Variants in FGFR1 observed in about 807,000 individuals in gnomAD.
The protein encoded by FGFR1 is fibroblast growth factor receptor 1.
A neutral mutation model predicts 93.7 loss-of-function variants in FGFR1; 18 were observed. That is an observed-to-expected ratio of 0.19 (90% CI 0.13 to 0.28). The LOEUF is 0.28. Among genes scored for constraint, FGFR1 ranks in the 10% least tolerant of loss-of-function variants. The pLI is 1.00. For missense variants in FGFR1, 731 were observed against 1,080.4 expected, an observed-to-expected ratio of 0.68 and a Z score of 4.53; for synonymous variants, 448 against 429.3, an observed-to-expected ratio of 1.04 and a Z score of -0.54.
At chr8:38,449,108 A>G (rs1252874577) in intron 2 of FGFR1, among the ~76,000 whole-genome samples, 3 of 151,436 alleles carry the variant, frequency 2.0e-5, no homozygotes, top group Non-Finnish European at 2.9e-5. Flanking sequence ...TCTCAGGAGA[A>G]AAAAAAAACA....
chr8:38,442,897 C>T (rs971209125), intron 2 of FGFR1, among the ~76,000 whole-genome samples: 1 of 152,234 alleles, frequency 6.6e-6, no homozygotes, highest in Non-Finnish European at 1.5e-5. Flanking sequence ...GCCATATCCC[C>T]GCAATCCCGT....
At chr8:38,425,095 C>T (rs771543109) in intron 6 of FGFR1, among the ~76,000 whole-genome samples, 10 of 152,070 alleles carry the variant, frequency 6.6e-5, no homozygotes, top group South Asian at 2.1e-4. Context: ...GTTAGAAACG[C>T]GGAATCTCAG....
rs192739968 is a variant in FGFR1 at position 38,421,462 on chromosome 8, G to C, written c.1081+335C>G. Reference sequence around the variant, plus strand: ...TCAGATGCTCAGTACCCAGCGGAGGGGGGAGGCTGCTGGACCCAAGGACGG... The same window carrying C: ...TCAGATGCTCAGTACCCAGCGGAGGCGGGAGGCTGCTGGACCCAAGGACGG... On this transcript the variant is annotated intron_variant, in intron 8 of 17. Transcript: ENST00000447712. Among the ~76,000 whole-genome samples the C allele has an allele frequency of 5.3e-5, 8 of 152,338 alleles. No homozygotes were observed. The East Asian group carries it at 1.4e-3, about 26-fold the overall frequency.
chr8:38,466,508 C>T (rs553373561), intron 1 of FGFR1: 89 of 231,260 alleles, frequency 3.8e-4, no homozygotes, highest in African/African-American at 1.7e-3. Flanking sequence ...CTTTACTGCG[C>T]AATCCAGAAA....
rs1254761802 is a variant in FGFR1, at chr8:38,424,369, C to T, written c.936+140G>A. On this transcript the variant is annotated intron_variant, in intron 7 of 17. Transcript: ENST00000447712. This position sits in a 1 kb window ranked among gnomAD's most constrained non-coding sequence, Gnocchi z 4.3. Reference sequence around the variant, plus strand: ...CCTGGGGGATGTGGCTAGATCCCTACTGAGATGGAGTGTGTGTGCCTGAAG... The same window carrying T: ...CCTGGGGGATGTGGCTAGATCCCTATTGAGATGGAGTGTGTGTGCCTGAAG... 1.1e-6 allele frequency: 1 copy of T among 903,018 alleles called. No homozygotes were observed. The highest frequency in any genetic ancestry group is 1.8e-6 in the Non-Finnish European group (1 of 551,632). The allele number at this position is 903,018 out of a possible 1,614,324, so 55.9% of individuals were successfully genotyped here.
Position 38,454,820 on chromosome 8 carries a change from A to G in FGFR1, c.91+2536T>C, listed in dbSNP as rs139503793. On this transcript the variant is annotated intron_variant, in intron 2 of 17. Transcript: ENST00000447712. ...TAATGCAGCTATCAAGTGGCAGAGC[A>G]GGATGCAAACACAGGTGCACCTCAC... is the stretch of plus-strand genomic sequence containing the variant. Among the ~76,000 whole-genome samples, 310 of 152,310 alleles carry G rather than the reference A, an allele frequency of 2.0e-3. 1 individual carries two copies. Among genetic ancestry groups the G allele is most frequent in the African/African-American group, 7.0e-3 (293 of 41,574 alleles).
At chr8:38,461,011 T>A in intron 1 of FGFR1, 1 of 1,497,520 alleles carries the variant, frequency 6.7e-7, no homozygotes, top group East Asian at 2.5e-5. Context: ...CTGGGATTCA[T>A]GCCTGCATGC....
intron 1 of FGFR1, chr8:38,467,605 C>A: frequency 4.2e-6 from 1 of 235,872 alleles, no homozygotes; most frequent in South Asian, 1.8e-4. Context: ...CTCCCGCCCT[C>A]CTCCCCAGTC....
In FGFR1 at chr8:38,426,478, A is replaced by G. The variant is rs1040610007; in HGVS notation, c.622-233T>C. ...CCAGAAGTCTCCACTGTGACGTTCA[A>G]GATCATTCGTGATCCGGACAGATGT... On this transcript the variant is annotated intron_variant, in intron 5 of 17. Transcript: ENST00000447712. The surrounding 1 kb of genome is among the most constrained non-coding windows in gnomAD (Gnocchi z 4.1). Among the ~76,000 whole-genome samples the G allele has an allele frequency of 1.1e-4, 17 of 152,232 alleles. No homozygotes were observed. Among genetic ancestry groups the G allele is most frequent in the African/African-American group, 3.9e-4 (16 of 41,466 alleles).
rs758677681 is a variant in FGFR1, at chr8:38,413,632, C to T, written c.2465G>A (p.Arg822His). The T allele has an allele frequency of 3.0e-5, 48 of 1,607,782 alleles. No individual in the cohort carries two copies. The highest frequency in any genetic ancestry group is 2.2e-4 in the South Asian group (20 of 90,020). ...AQLANGGLKR[R>H] ...GGGAGGGCGTGTGGGTGGCAGTCAG[C>T]GGCGTTTGAGTCCGCCATTGGCAAG... The change falls in exon 18 of 18, where the codon CGC becomes CAC. Residue 822 changes from arginine (R) to histidine (H), a missense_variant. This residue lies in a region of FGFR1 where 79 missense variants were observed against 97.2 expected (regional missense o/e 0.81). Coordinates refer to ENST00000447712, the MANE Select transcript of FGFR1 (RefSeq NM_023110.3). This position sits in a 1 kb window ranked among gnomAD's most constrained non-coding sequence, Gnocchi z 4.2.
At chr8:38,422,696 C>A (rs1819263177) in intron 7 of FGFR1, 1 of 341,100 alleles carries the variant, frequency 2.9e-6, no homozygotes, top group African/African-American at 2.1e-5. Context: ...GCCACTGTGC[C>A]TGGCCTATGG....
rs1820648214 is a variant in FGFR1 at position 38,426,055 on chromosome 8, C to T, written c.745+67G>A. On this transcript the variant is annotated intron_variant, in intron 6 of 17. Coordinates refer to ENST00000447712, the MANE Select transcript of FGFR1 (RefSeq NM_023110.3). The surrounding 1 kb of genome is among the most constrained non-coding windows in gnomAD (Gnocchi z 4.1). ...CTGCCCCTAAGAAACCTGGACACCC[C>T]GGCTGTGTTCTCCAAGCCTGGCTCT... 8.1e-6 allele frequency: 13 copies of T among 1,610,184 alleles called. No homozygotes were observed. The highest frequency in any genetic ancestry group is 5.0e-5 in the Admixed American group (3 of 60,000).
In FGFR1 at chr8:38,428,489, C is replaced by T. The variant is rs189939746; in HGVS notation, c.359-54G>A. 1.5e-3 allele frequency: 2,120 copies of T among 1,446,530 alleles called. 8 individuals carry two copies. Among genetic ancestry groups the T allele is most frequent in the Non-Finnish European group, 1.2e-3 (1,232 of 1,047,162 alleles). 89.6% of individuals were successfully genotyped at this position (1,446,530 alleles called of 1,614,324 possible). A position where few individuals can be genotyped will look rare whatever the true frequency, so the allele number is the denominator to read the frequency against. On this transcript the variant is annotated intron_variant, in intron 3 of 17. Coordinates refer to ENST00000447712, the MANE Select transcript of FGFR1 (RefSeq NM_023110.3). ...TCCTCCTAGGGACCCCTAGATTTCACCAAGGCTAGTGCAGTTCCAGATGAA... is the reference window on the plus strand; with the variant it reads ...TCCTCCTAGGGACCCCTAGATTTCATCAAGGCTAGTGCAGTTCCAGATGAA...
chr8:38,447,142 CACACACA>C (rs1259847590), intron 2 of FGFR1, among the ~76,000 whole-genome samples: 2 of 147,504 alleles, frequency 1.4e-5, no homozygotes, highest in African/African-American at 5.0e-5. Flanking sequence ...CACACACACA[CACACACA>C]CACCCCTGAC....
At chr8:38,456,200 T>C (rs1226911744) in intron 2 of FGFR1, among the ~76,000 whole-genome samples, 1 of 152,198 alleles carries the variant, frequency 6.6e-6, no homozygotes, top group Non-Finnish European at 1.5e-5. Flanking sequence ...TCACCCACTG[T>C]GTGTCAACCT....
intron 6 of FGFR1, chr8:38,425,916 C>A: frequency 3.1e-6 from 2 of 649,476 alleles, no homozygotes; most frequent in Non-Finnish European, 5.5e-6. Context: ...CAGCTTTGAC[C>A]GTGTTACTGT....
Position 38,428,426 on chromosome 8 carries a change from G to A in FGFR1, c.368C>T (p.Pro123Leu), listed in dbSNP as rs1169416110. Residue 123 changes from proline (P) to leucine (L), a missense_variant, in exon 4 of 18, where the codon CCC (proline) becomes CTC (leucine). Physicochemically the swap from Pro to Leu is moderately conservative, Grantham distance 98. Transcript: ENST00000447712. ...YFSVNVSDAL[P>L]SSEDDDDDDD... ...ATCATCATCATCATCCTCCGAGGAG[G>A]GGAGAGCATCTATGGGAAGAAGAAG... The A allele has an allele frequency of 1.9e-6, 3 of 1,612,776 alleles. No homozygotes were observed. Among genetic ancestry groups the A allele is most frequent in the Non-Finnish European group, 1.7e-6 (2 of 1,179,574 alleles).
Position 38,429,797 on chromosome 8 carries a change from G to A in FGFR1, c.243C>T (p.Ile81=), listed in dbSNP as rs764340351. 6 of 1,613,188 alleles carry A rather than the reference G, an allele frequency of 3.7e-6. No homozygotes were observed. In the Admixed American group the frequency reaches 1.0e-4, roughly 27 times the overall value. Residue 81 remains isoleucine (I), a synonymous_variant, in exon 3 of 18, where the codon ATC becomes ATT. Coordinates refer to ENST00000447712, the MANE Select transcript of FGFR1 (RefSeq NM_023110.3). This position sits in a 1 kb window ranked among gnomAD's most constrained non-coding sequence, Gnocchi z 4.4. Reference sequence around the variant, plus strand: ...CCTGCACCTCCACCTCCTCCCCTGTGATGCGGGTGCGGTTGCTTTCCGCCA... The same window carrying A: ...CCTGCACCTCCACCTCCTCCCCTGTAATGCGGGTGCGGTTGCTTTCCGCCA... ...VQLAESNRTR[I]TGEEVEVQDS... is the part of the protein sequence containing the mutation.
In FGFR1 at chr8:38,416,518, C is replaced by T. The variant is rs558777632; in HGVS notation, c.1664-458G>A. ...TTGCCCAAGCTGGAGTGCAATGGCG[C>T]GATCTCGGCTAACCGCAACCTCCGC... On this transcript the variant is annotated intron_variant, in intron 12 of 17. Transcript: ENST00000447712. Among the ~76,000 whole-genome samples the T allele has an allele frequency of 6.2e-4, 84 of 136,124 alleles. No homozygotes were observed. The Admixed American group carries it at 6.8e-3, about 11-fold the overall frequency. 89.3% of individuals were successfully genotyped at this position (136,124 alleles called of 152,430 possible). A position where few individuals can be genotyped will look rare whatever the true frequency, so the allele number is the denominator to read the frequency against.
Sources: gnomAD v4.1 joint callset for allele counts (sites outside exome capture counted in the v4.1 genomes callset) on GRCh38, gnomAD v4.1.1 for gene constraint, gnomAD v4.1.1 regional missense constraint, Gnocchi (gnomAD v3.1) non-coding constraint, MANE v1.5 for transcripts, NCBI Gene and HGNC (gene_info 2026-07-23, HGNC 2026-07-21) for gene names.